The following TMEM209 variants were observed in gnomAD, a reference collection of about 807,000 sequenced individuals.
TMEM209 encodes testicular tissue protein Li 202.
TMEM209 carries 65 observed loss-of-function variants against 76.2 expected under a neutral mutation model. The observed-to-expected ratio is 0.85, with a 90% CI of 0.70 to 1.05. TMEM209 has a LOEUF of 1.05. Among genes scored for constraint, TMEM209 ranks in the 50% least tolerant of loss-of-function variants. The pLI is 0.00. For missense variants in TMEM209, 623 were observed against 685.5 expected (o/e 0.91, Z 1.02); for synonymous variants, 239 against 237.6 (o/e 1.01, Z -0.06).
intron 6 of TMEM209, among the ~76,000 whole-genome samples, chr7:130,187,530 C>G (rs1427138089): frequency 6.6e-6 from 1 of 151,652 alleles, no homozygotes; most frequent in Non-Finnish European, 1.5e-5. Flanking sequence ...ACCCCTAGTC[C>G]CTGGTCCTGG....
At chr7:130,202,446 T>G in intron 4 of TMEM209, 86 bp downstream of exon 4, 1 of 1,515,356 alleles carries the variant, frequency 6.6e-7, no homozygotes, top group Non-Finnish European at 8.9e-7. Context: ...CCTTCCAGCT[T>G]TGAGTCTACG....
intron 10 of TMEM209, among the ~76,000 whole-genome samples, chr7:130,177,648 G>A (rs1797281581): frequency 6.6e-6 from 1 of 152,204 alleles, no homozygotes; most frequent in Admixed American, 6.5e-5. Context: ...AAAGTGGACG[G>A]GGTATGGATA....
chr7:130,202,521 A>T lies in TMEM209; in HGVS notation c.331+11T>A. 6.3e-7 allele frequency: 1 copy of T among 1,598,882 alleles called. No individual in the cohort carries two copies. Among genetic ancestry groups the T allele is most frequent in the South Asian group, 1.1e-5 (1 of 87,788 alleles). ...TTTTCCCCACCTTTGCAAGAGATAT[A>T]AAACACTCACCAGCTGTTTTCAACC... On this transcript the variant is annotated intron_variant, in intron 4 of 14. Coordinates refer to ENST00000397622, the MANE Select transcript of TMEM209 (RefSeq NM_032842.4).
Position 130,203,842 on chromosome 7 carries a change from C to T in TMEM209, c.145G>A (p.Gly49Arg). 6.3e-7 allele frequency: 1 copy of T among 1,592,746 alleles called. No homozygotes were observed. Residue 49 changes from glycine to arginine, a missense_variant, in exon 3 of 15, where the codon GGA (glycine) becomes AGA (arginine). Physicochemically the swap from Gly to Arg is moderately radical, Grantham distance 125. Transcript: ENST00000397622. ...TTGTAGTATGAACTAATCAATTTTCCAGTCCTGAAAAAAAATTAGAAAGGC... is the reference window on the plus strand; with the variant it reads ...TTGTAGTATGAACTAATCAATTTTCTAGTCCTGAAAAAAAATTAGAAAGGC... The part of the protein sequence containing the change: ...MAGMIYTEMT[G>R]KLISSYYNVT...
intron 5 of TMEM209, among the ~76,000 whole-genome samples, chr7:130,199,279 G>A (rs1798104370): frequency 6.6e-6 from 1 of 151,716 alleles, no homozygotes; most frequent in South Asian, 2.1e-4. Flanking sequence ...AGTGCAGCGA[G>A]CCATCTCGGC....
chr7:130,205,206 C>T, intron 1 of TMEM209, 167 bp downstream of exon 1: 1 of 1,557,568 alleles, frequency 6.4e-7, no homozygotes, highest in Non-Finnish European at 8.7e-7. Context: ...GGCTCCTGGG[C>T]ACGAACTTCA....
chr7:130,188,513 A>C (rs192272004), intron 6 of TMEM209, among the ~76,000 whole-genome samples: 1 of 149,432 alleles, frequency 6.7e-6, no homozygotes, highest in Non-Finnish European at 1.5e-5. Context: ...GGAGAATGGC[A>C]TGAACCCGGG....
intron 6 of TMEM209, among the ~76,000 whole-genome samples, chr7:130,185,936 A>G (rs1424756799): frequency 6.6e-6 from 1 of 152,212 alleles, no homozygotes; most frequent in African/African-American, 2.4e-5. Context: ...ATGTAAAAAA[A>G]AGTTCTATTT....
chr7:130,204,738 TTTGG>T (rs1391113640), intron 1 of TMEM209, among the ~76,000 whole-genome samples: 6 of 152,252 alleles, frequency 3.9e-5, no homozygotes, highest in Non-Finnish European at 1.5e-5. Flanking sequence ...GTATTTTGTC[TTTGG>T]GGTATGTTAC....
intron 14 of TMEM209, among the ~76,000 whole-genome samples, chr7:130,168,465 T>C (rs1287199558): frequency 6.6e-6 from 1 of 152,166 alleles, no homozygotes; most frequent in African/African-American, 2.4e-5. Flanking sequence ...ACTTGACCTG[T>C]ATTAACAACA....
At chr7:130,192,490 T>C in intron 6 of TMEM209, 132 bp downstream of exon 6, 3 of 754,502 alleles carry the variant, frequency 4.0e-6, no homozygotes, top group Non-Finnish European at 6.3e-6. Context: ...TAAAATAATG[T>C]TACATATAAA....
intron 1 of TMEM209, among the ~76,000 whole-genome samples, chr7:130,204,502 C>T (rs1262614431): frequency 6.6e-6 from 1 of 152,084 alleles, no homozygotes; most frequent in Non-Finnish European, 1.5e-5. Flanking sequence ...CCACCGCGTC[C>T]GACTGATTTT....
chr7:130,171,410 C>T (rs977575741), intron 13 of TMEM209, among the ~76,000 whole-genome samples: 1 of 152,056 alleles, frequency 6.6e-6, no homozygotes, highest in African/African-American at 2.4e-5. Flanking sequence ...TCCCCACTTA[C>T]TCTAATTTAA....
At chr7:130,194,606 A>G (rs952934269) in intron 5 of TMEM209, among the ~76,000 whole-genome samples, 6 of 152,250 alleles carry the variant, frequency 3.9e-5, no homozygotes, top group Admixed American at 2.6e-4. Flanking sequence ...ATAGCTGTAC[A>G]TAAATCTTTG....
At chr7:130,183,742 T>C (rs1425550539) in intron 8 of TMEM209, among the ~76,000 whole-genome samples, 1 of 152,190 alleles carries the variant, frequency 6.6e-6, no homozygotes, top group East Asian at 1.9e-4. Context: ...AGAGGGTTCT[T>C]CTCTAGAAAA....
At position 130,202,161 on chromosome 7, in the gene TMEM209, C is replaced by A. The variant is rs539723092; in HGVS notation, c.332-70G>T. 26 of 1,511,630 alleles carry A rather than the reference C, an allele frequency of 1.7e-5. 1 individual carries two copies. In the African/African-American group the frequency reaches 2.8e-4, roughly 16 times the overall value. The allele number at this position is 1,511,630 out of a possible 1,614,324, so 93.6% of individuals were successfully genotyped here. ...AAAATTATACGAAAATATATTTAAGCAACTAAGTCTTTCTCTTAAGGGAAA... is the reference window on the plus strand; with the variant it reads ...AAAATTATACGAAAATATATTTAAGAAACTAAGTCTTTCTCTTAAGGGAAA... On this transcript the variant is annotated intron_variant, in intron 4 of 14. Coordinates refer to ENST00000397622, the MANE Select transcript of TMEM209 (RefSeq NM_032842.4).
chr7:130,196,385 T>G, intron 5 of TMEM209, among the ~76,000 whole-genome samples: 1 of 152,100 alleles, frequency 6.6e-6, no homozygotes, highest in East Asian at 1.9e-4. Flanking sequence ...GTTATTAGTT[T>G]GGTTCAACAG....
At chr7:130,170,671 A>G (rs1365511808) in intron 13 of TMEM209, among the ~76,000 whole-genome samples, 198 bp from the exon 14 acceptor site, 1 of 152,204 alleles carries the variant, frequency 6.6e-6, no homozygotes, top group Non-Finnish European at 1.5e-5. Context: ...CAGAAAGGAT[A>G]CATGTCAAGG....
intron 6 of TMEM209, among the ~76,000 whole-genome samples, chr7:130,191,291 C>A (rs915896090): frequency 2.0e-5 from 3 of 150,298 alleles, no homozygotes; most frequent in African/African-American, 7.4e-5. Context: ...ATGCATTTAA[C>A]GTAATCTCGT....
Sources: gnomAD v4.1 joint callset for allele counts (sites outside exome capture counted in the v4.1 genomes callset) on GRCh38, gnomAD v4.1.1 for gene constraint, MANE v1.5 for transcripts, NCBI Gene and HGNC (gene_info 2026-07-23, HGNC 2026-07-21) for gene names.